The following SNTB2 variants were observed in gnomAD, a reference collection of about 807,000 sequenced individuals.
SNTB2 encodes the protein syntrophin beta 2, also known as beta-2-syntrophin.
A neutral mutation model predicts 46.2 loss-of-function variants in SNTB2; 34 were observed. The ratio of observed to expected loss-of-function variants is 0.74; its 90% CI spans 0.56 to 0.98. The LOEUF (loss-of-function observed/expected upper bound fraction) is 0.98. Ranked by LOEUF, SNTB2 falls within the 50% of genes least tolerant of loss-of-function variation. The pLI is 0.00. For synonymous variants in SNTB2, 290 were observed against 312.6 expected (o/e 0.93, Z 0.76); for missense variants, 603 against 731.4 (o/e 0.82, Z 2.02).
At chr16:69,256,343 T>C (rs1028052596) in intron 2 of SNTB2, among the ~76,000 whole-genome samples, 3 of 152,158 alleles carry the variant, frequency 2.0e-5, no homozygotes, top group Non-Finnish European at 2.9e-5. Context: ...AATTGTAAAA[T>C]ACACATAACA....
At chr16:69,274,266 T>C (rs1389308454) in intron 4 of SNTB2, among the ~76,000 whole-genome samples, 1 of 150,092 alleles carries the variant, frequency 6.7e-6, no homozygotes, top group African/African-American at 2.5e-5. Flanking sequence ...GAGCTGATAC[T>C]GCACCACTGC....
chr16:69,207,747 C>T (rs991920478), intron 1 of SNTB2, among the ~76,000 whole-genome samples: 3 of 152,066 alleles, frequency 2.0e-5, no homozygotes, highest in Admixed American at 6.6e-5. Context: ...AGGCACTTCA[C>T]CTCCCATCCA....
chr16:69,245,533 ATACTT>A, intron 1 of SNTB2, 64 bp from the exon 2 acceptor site: 1 of 1,423,320 alleles, frequency 7.0e-7, no homozygotes, highest in Non-Finnish European at 9.9e-7. Context: ...ATGTATGTGA[ATACTT>A]TAGTTATCAT....
chr16:69,292,449 T>TATATATATATATATTATATATATA (rs1965182931), intron 5 of SNTB2, among the ~76,000 whole-genome samples: 1 of 89,738 alleles, frequency 1.1e-5, no homozygotes, highest in African/African-American at 4.9e-5. Context: ...ATATATATAA[T>TATATATATATATATTATATATATA]TTTTTTTTTG....
At chr16:69,286,244 C>T (rs1338181762) in intron 5 of SNTB2, among the ~76,000 whole-genome samples, 9 of 152,202 alleles carry the variant, frequency 5.9e-5, no homozygotes, top group Non-Finnish European at 1.5e-5. Flanking sequence ...AGCCACTGTG[C>T]CAGGCCAGTT....
intron 4 of SNTB2, 58 bp downstream of exon 4, chr16:69,270,343 G>T (rs934065903): frequency 1.3e-6 from 2 of 1,593,190 alleles, no homozygotes; most frequent in Non-Finnish European, 1.7e-6. Context: ...ATCTACAAAA[G>T]AATTTTAAAG....
intron 2 of SNTB2, among the ~76,000 whole-genome samples, chr16:69,257,449 A>G (rs1448707685): frequency 1.4e-5 from 2 of 147,806 alleles, no homozygotes; most frequent in East Asian, 2.4e-4. Context: ...TTATTTATTT[A>G]TTTATTTATT....
intron 1 of SNTB2, among the ~76,000 whole-genome samples, chr16:69,201,434 T>C (rs936127203): frequency 6.6e-6 from 1 of 152,162 alleles, no homozygotes; most frequent in African/African-American, 2.4e-5. Context: ...GGAAAAAACA[T>C]AGCAAAATGG....
chr16:69,227,934 T>C (rs1336068196), intron 1 of SNTB2, among the ~76,000 whole-genome samples: 1 of 150,332 alleles, frequency 6.7e-6, no homozygotes, highest in African/African-American at 2.4e-5. Context: ...CATAGCTCAC[T>C]GCAGCCTCAA....
intron 1 of SNTB2, among the ~76,000 whole-genome samples, chr16:69,204,327 G>A (rs183447640): frequency 1.3e-5 from 2 of 152,274 alleles, no homozygotes; most frequent in South Asian, 4.1e-4. Context: ...GCTTCCATAG[G>A]CTTGCTAGAA....
intron 1 of SNTB2, among the ~76,000 whole-genome samples, chr16:69,234,733 C>T (rs1849265470): frequency 1.3e-5 from 2 of 148,608 alleles, no homozygotes; most frequent in Non-Finnish European, 3.0e-5. Flanking sequence ...GACCAAGTCT[C>T]ACTCTGTCAC....
At chr16:69,226,271 A>G (rs1442865049) in intron 1 of SNTB2, among the ~76,000 whole-genome samples, 4 of 151,410 alleles carry the variant, frequency 2.6e-5, no homozygotes, top group Non-Finnish European at 5.9e-5. Flanking sequence ...GGGTTTCACT[A>G]TGTTGGCCAG....
At chr16:69,214,487 A>G (rs1468190277) in intron 1 of SNTB2, among the ~76,000 whole-genome samples, 1 of 151,684 alleles carries the variant, frequency 6.6e-6, no homozygotes, top group African/African-American at 2.4e-5. Context: ...TGGCTTCAAC[A>G]TATATACAAC....
intron 1 of SNTB2, among the ~76,000 whole-genome samples, chr16:69,216,256 T>C (rs1964346327): frequency 6.6e-6 from 1 of 152,242 alleles, no homozygotes; most frequent in South Asian, 2.1e-4. Context: ...CAAGTTCTGC[T>C]GAATTAGGTA....
intron 3 of SNTB2, among the ~76,000 whole-genome samples, chr16:69,269,466 G>A (rs976951319): frequency 2.6e-5 from 4 of 151,984 alleles, no homozygotes; most frequent in Non-Finnish European, 4.4e-5. Flanking sequence ...GCAGTGAGCC[G>A]CGATTGTCCC....
chr16:69,239,963 G>T (rs779466960), intron 1 of SNTB2, among the ~76,000 whole-genome samples: 1 of 152,044 alleles, frequency 6.6e-6, no homozygotes, highest in Admixed American at 6.6e-5. Flanking sequence ...TAAATAGTTT[G>T]TTCCTTTTTA....
intron 1 of SNTB2, among the ~76,000 whole-genome samples, chr16:69,210,533 C>T (rs1416886030): frequency 4.1e-5 from 6 of 146,732 alleles, no homozygotes; most frequent in East Asian, 2.1e-4. Flanking sequence ...CCACCGCGCC[C>T]GGCCATATTA....
intron 1 of SNTB2, among the ~76,000 whole-genome samples, chr16:69,225,773 C>G (rs1352966115): frequency 6.6e-6 from 1 of 152,164 alleles, no homozygotes; most frequent in Middle Eastern, 3.2e-3. Context: ...CATTGTAGCT[C>G]TTTTTGGTTT....
intron 3 of SNTB2, among the ~76,000 whole-genome samples, chr16:69,269,717 G>A (rs1964920927): frequency 6.6e-6 from 1 of 152,046 alleles, no homozygotes; most frequent in African/African-American, 2.4e-5. Flanking sequence ...CCTATGTTTA[G>A]AAGATATTAC....
Sources: gnomAD v4.1 joint callset for allele counts (sites outside exome capture counted in the v4.1 genomes callset) on GRCh38, gnomAD v4.1.1 for gene constraint, MANE v1.5 for transcripts, NCBI Gene and HGNC (gene_info 2026-07-23, HGNC 2026-07-21) for gene names.